Variants in LIPC observed in about 807,000 individuals in gnomAD.
LIPC encodes hepatic triacylglycerol lipase.
Under a neutral mutation model 50.7 loss-of-function variants are expected in LIPC, and 44 were observed. The observed-to-expected ratio is 0.87, with a 90% CI of 0.68 to 1.11. The LOEUF (loss-of-function observed/expected upper bound fraction) is 1.11, where lower values mean the gene tolerates loss of function less well. Among genes scored for constraint, LIPC ranks in the 50% most tolerant of loss-of-function variants. LIPC has a pLI of 0.00. For synonymous variants in LIPC, 271 were observed against 256.4 expected, an observed-to-expected ratio of 1.06 and a Z score of -0.54; for missense variants, 697 against 648.2, an observed-to-expected ratio of 1.08 and a Z score of -0.82.
chr15:58,535,389 C>T lies in LIPC; in HGVS notation c.89-2944C>T, dbSNP rs60682534. Among the ~76,000 whole-genome samples the T allele has an allele frequency of 3.5e-3, 537 of 152,290 alleles. 2 individuals are homozygous for T. The highest frequency in any genetic ancestry group is 0.013 in the African/African-American group (531 of 41,550). ...ACCTGTATACAGTATACAGCTTCCT[C>T]GCTCATACACATGTTAAAGAGAGCT... On this transcript the variant is annotated intron_variant, in intron 1 of 8. Transcript: ENST00000299022.
At chr15:58,484,447 CT>C (rs566139475) in intron 1 of LIPC, among the ~76,000 whole-genome samples, 3 of 152,228 alleles carry the variant, frequency 2.0e-5, no homozygotes, top group African/African-American at 7.2e-5. Context: ...AGAGACAACT[CT>C]TTTTATTTAC....
intron 1 of LIPC, among the ~76,000 whole-genome samples, chr15:58,470,597 C>CTTTTT (rs5812936): frequency 1.2e-4 from 17 of 136,314 alleles, no homozygotes; most frequent in Admixed American, 2.2e-4. Flanking sequence ...CATTTAACTC[C>CTTTTT]TTTTTTTTTT....
At chr15:58,479,229 A>T (rs1376024294) in intron 1 of LIPC, among the ~76,000 whole-genome samples, 1 of 152,238 alleles carries the variant, frequency 6.6e-6, no homozygotes, top group African/African-American at 2.4e-5. Context: ...TGCAGGAAAA[A>T]ATAATCAGCC....
intron 1 of LIPC, among the ~76,000 whole-genome samples, chr15:58,471,246 C>T (rs1894785713): frequency 6.8e-6 from 1 of 147,608 alleles, no homozygotes; most frequent in African/African-American, 2.5e-5. Flanking sequence ...AAGCGATTCT[C>T]CTACCTCAGC....
At position 58,509,480 on chromosome 15, in the gene LIPC, C is replaced by A. The variant is rs547796651; in HGVS notation, c.89-28853C>A. Among the ~76,000 whole-genome samples, 3 of 152,328 alleles carry A rather than the reference C, an allele frequency of 2.0e-5. No homozygotes were observed. The South Asian group carries it at 6.2e-4, about 32-fold the overall frequency. ...TCCCCATTTGCAAAATGAAGCAAAG[C>A]TATCTACTCCAAGGATTGCTGTGAA... On this transcript the variant is annotated intron_variant, in intron 1 of 8. Transcript: ENST00000299022.
At chr15:58,562,812 C>G (rs866156204) in intron 7 of LIPC, among the ~76,000 whole-genome samples, 8 of 151,588 alleles carry the variant, frequency 5.3e-5, no homozygotes, top group Non-Finnish European at 7.4e-5. Flanking sequence ...GGGACCCCCC[C>G]CCAACCCCAC....
chr15:58,467,723 C>T (rs1362821485), intron 1 of LIPC, among the ~76,000 whole-genome samples: 1 of 152,156 alleles, frequency 6.6e-6, no homozygotes, highest in Non-Finnish European at 1.5e-5. Flanking sequence ...TGGAAACTTC[C>T]CACTCTGCTC....
chr15:58,449,244 A>T (rs1328725192), intron 1 of LIPC, among the ~76,000 whole-genome samples: 2 of 152,118 alleles, frequency 1.3e-5, no homozygotes, highest in African/African-American at 2.4e-5. Flanking sequence ...GACTGTTATG[A>T]AGCATGTTGG....
chr15:58,451,135 A>T (rs1219124410), intron 1 of LIPC, among the ~76,000 whole-genome samples: 1 of 152,194 alleles, frequency 6.6e-6, no homozygotes, highest in Admixed American at 6.5e-5. Context: ...GGAGGCATGT[A>T]TCCCCAGAGC....
intron 1 of LIPC, among the ~76,000 whole-genome samples, chr15:58,438,382 G>A (rs1011252223): frequency 1.3e-5 from 2 of 152,176 alleles, no homozygotes; most frequent in African/African-American, 4.8e-5. Flanking sequence ...TCACAGCCAG[G>A]AAGGTACTGT....
chr15:58,469,588 G>A (rs1214191895), intron 1 of LIPC, among the ~76,000 whole-genome samples: 1 of 151,794 alleles, frequency 6.6e-6, no homozygotes, highest in Non-Finnish European at 1.5e-5. Flanking sequence ...GAAGCTTGGG[G>A]CTGCCCATTC....
intron 1 of LIPC, among the ~76,000 whole-genome samples, chr15:58,520,428 T>C (rs1455654512): frequency 6.6e-6 from 1 of 152,124 alleles, no homozygotes; most frequent in Non-Finnish European, 1.5e-5. Context: ...TTCCTGCTCT[T>C]AAAGCGCTCA....
At chr15:58,510,484 T>C (rs543880894) in intron 1 of LIPC, among the ~76,000 whole-genome samples, 2 of 152,242 alleles carry the variant, frequency 1.3e-5, no homozygotes, top group African/African-American at 4.8e-5. Flanking sequence ...GTAACCATCA[T>C]CCTATGTTTT....
intron 1 of LIPC, among the ~76,000 whole-genome samples, chr15:58,504,848 G>A (rs146219214): frequency 6.6e-6 from 1 of 152,200 alleles, no homozygotes; most frequent in Non-Finnish European, 1.5e-5. Flanking sequence ...ATCCTATCTC[G>A]AGGAGAGCTG....
In LIPC at chr15:58,563,674, G is replaced by A. The variant is rs1475106263; in HGVS notation, c.1339G>A (p.Gly447Ser). The part of the protein sequence containing the change: ...IPWSTGPRHS[G>S]LVLKTIRVKA... ...ATGGAGCACAGGGCCGCGCCACTCAGGCCTCGTTCTGAAGACGATCAGAGT... is the reference window on the plus strand; with the variant it reads ...ATGGAGCACAGGGCCGCGCCACTCAAGCCTCGTTCTGAAGACGATCAGAGT... Residue 447 changes from glycine (G) to serine (S), a missense_variant, in exon 8 of 9, where the codon GGC (glycine) becomes AGC (serine). Transcript: ENST00000299022. The A allele has an allele frequency of 1.3e-5, 21 of 1,613,974 alleles. No homozygotes were observed. The highest frequency in any genetic ancestry group is 1.8e-5 in the Non-Finnish European group (21 of 1,180,042).
chr15:58,568,637 A>C (rs1894462966), intron 8 of LIPC, 79 bp from the exon 9 acceptor site: 1 of 845,296 alleles, frequency 1.2e-6, no homozygotes, highest in Non-Finnish European at 2.0e-6. Context: ...AAATTGAGTG[A>C]AATTTGATAA....
intron 1 of LIPC, among the ~76,000 whole-genome samples, chr15:58,537,515 C>G (rs1339856817): frequency 8.4e-4 from 2 of 2,378 alleles, no homozygotes; most frequent in African/African-American, 1.2e-3. Flanking sequence ...GCATCTGGAG[C>G]ATGAAGCCAG....
intron 1 of LIPC, among the ~76,000 whole-genome samples, chr15:58,479,554 G>A (rs952926354): frequency 2.0e-5 from 3 of 152,110 alleles, no homozygotes; most frequent in Non-Finnish European, 2.9e-5. Flanking sequence ...TGGATTCTTC[G>A]TTTTCTGCTG....
intron 1 of LIPC, among the ~76,000 whole-genome samples, chr15:58,489,823 T>G (rs142533969): frequency 2.0e-3 from 299 of 152,306 alleles, no homozygotes; most frequent in Middle Eastern, 3.4e-3. Flanking sequence ...GGGGAGTGGC[T>G]ATTATCCTTG....
Sources: gnomAD v4.1 joint callset for allele counts (sites outside exome capture counted in the v4.1 genomes callset) on GRCh38, gnomAD v4.1.1 for gene constraint, MANE v1.5 for transcripts, NCBI Gene and HGNC (gene_info 2026-07-23, HGNC 2026-07-21) for gene names.